The following CYB561A3 variants were observed in gnomAD, a reference collection of about 807,000 sequenced individuals.
CYB561A3 encodes cytochrome b561 family member A3.
In CYB561A3, 16 loss-of-function variants were observed where a neutral mutation model predicts 25.3. The observed-to-expected ratio is 0.63, with a 90% CI of 0.43 to 0.96. The LOEUF (loss-of-function observed/expected upper bound fraction) is 0.96. Among genes scored for constraint, CYB561A3 ranks in the 40% least tolerant of loss-of-function variants. The pLI is 0.00. For synonymous variants in CYB561A3, 131 were observed against 129.9 expected (o/e 1.01, Z -0.06); for missense variants, 219 against 307.5 (o/e 0.71, Z 2.15).
intron 5 of CYB561A3, 88 bp from the exon 6 acceptor site, chr11:61,351,235 G>A (rs890277730): frequency 2.0e-5 from 28 of 1,367,658 alleles, no homozygotes; most frequent in Non-Finnish European, 2.6e-5. Context: ...AACAGAGGGT[G>A]AGAAAACCTT....
chr11:61,358,702 C>T (rs1397851583), intron 1 of CYB561A3: 1 of 152,230 alleles, frequency 6.6e-6, no homozygotes, highest in Non-Finnish European at 1.5e-5. Context: ...GCACTCCAGC[C>T]TGGCGACTGA....
chr11:61,350,802 G>C, intron 6 of CYB561A3, 189 bp downstream of exon 6: 1 of 770,794 alleles, frequency 1.3e-6, no homozygotes, highest in Non-Finnish European at 2.0e-6. Flanking sequence ...GGGAGTCCCA[G>C]CATTTCACTG....
intron 1 of CYB561A3, chr11:61,359,656 T>C (rs886561659): frequency 1.3e-5 from 2 of 152,256 alleles, no homozygotes; most frequent in Non-Finnish European, 2.9e-5. Flanking sequence ...TGCAAAGTTA[T>C]ATTGCCCTGC....
In CYB561A3 at chr11:61,349,775, C is replaced by CCAT; in HGVS notation, c.*621_*623dup. On this transcript the variant is annotated 3_prime_UTR_variant, in exon 7 of 7. Coordinates refer to ENST00000294072, the MANE Select transcript of CYB561A3 (RefSeq NM_153611.6). Reference sequence around the variant, plus strand: ...GCCACTCCCCCTTTCTGCAATCACCCCATGATGTCTCCACCCCACCTCACA... The same window carrying CCAT: ...GCCACTCCCCCTTTCTGCAATCACCCCATCATGATGTCTCCACCCCACCTCACA... The CCAT allele has an allele frequency of 1.6e-6, 1 of 642,856 alleles. No homozygotes were observed. Among genetic ancestry groups the CCAT allele is most frequent in the Non-Finnish European group, 2.9e-6 (1 of 350,432 alleles). The allele number at this position is 642,856 out of a possible 1,614,324, so 39.8% of individuals were successfully genotyped here.
intron 4 of CYB561A3, chr11:61,353,453 C>T (rs1190081650): frequency 1.9e-5 from 12 of 647,764 alleles, no homozygotes; most frequent in Non-Finnish European, 2.8e-5. Flanking sequence ...ATATGGAAAC[C>T]ACTTCAAGAA....
chr11:61,357,830 T>G lies in CYB561A3; in HGVS notation c.-111-2A>C, dbSNP rs188494466. 8.8e-4 allele frequency: 135 copies of G among 152,860 alleles called. No individual in the cohort carries two copies. The highest frequency in any genetic ancestry group is 3.4e-3 in the Middle Eastern group (1 of 294). 9.5% of individuals were successfully genotyped at this position (152,860 alleles called of 1,614,324 possible). A position where few individuals can be genotyped will look rare whatever the true frequency, so the allele number is the denominator to read the frequency against. The stretch of plus-strand genomic sequence containing the variant: ...TCACTTAACATTTGCAGGACTCACC[T>G]GCAAGAAAGGCGTGGCAGTAAGAAT... On this transcript the variant is annotated splice_acceptor_variant, in intron 1 of 6. Coordinates refer to ENST00000294072, the MANE Select transcript of CYB561A3 (RefSeq NM_153611.6). LOFTEE classifies it low-confidence loss of function (5UTR_SPLICE).
At chr11:61,352,718 T>A in intron 5 of CYB561A3, 2 of 1,000,544 alleles carry the variant, frequency 2.0e-6, no homozygotes, top group Non-Finnish European at 2.7e-6. Context: ...ACCAATGATG[T>A]AGGGTGGTTG....
At chr11:61,352,457 C>T (rs903398211) in intron 5 of CYB561A3, 5 of 160,872 alleles carry the variant, frequency 3.1e-5, no homozygotes, top group East Asian at 1.9e-4. Flanking sequence ...GTCAGGAGTC[C>T]GAGACCAGCC....
At chr11:61,354,149 G>A in intron 3 of CYB561A3, 157 bp from the exon 4 acceptor site, 3 of 726,196 alleles carry the variant, frequency 4.1e-6, no homozygotes, top group Non-Finnish European at 6.7e-6. Context: ...ACCCTCCCAT[G>A]ATTTGTGGGA....
chr11:61,358,178 G>A (rs1565071697), intron 1 of CYB561A3: 1 of 152,318 alleles, frequency 6.6e-6, no homozygotes, highest in Non-Finnish European at 1.5e-5. Flanking sequence ...CACTTTGGGA[G>A]GCTGAGGCAG....
In CYB561A3 at chr11:61,349,502, G is replaced by A; in HGVS notation, c.*897C>T. Reference sequence around the variant, plus strand: ...GTAGAGGAAGTCCACAGCCACCTCTGTTACTCATCGCTACTGGGACATCTG... The same window carrying A: ...GTAGAGGAAGTCCACAGCCACCTCTATTACTCATCGCTACTGGGACATCTG... On this transcript the variant is annotated 3_prime_UTR_variant, in exon 7 of 7. Transcript: ENST00000294072. 1.4e-6 allele frequency: 1 copy of A among 701,768 alleles called. No homozygotes were observed. Among genetic ancestry groups the A allele is most frequent in the Non-Finnish European group, 2.6e-6 (1 of 384,102 alleles). 43.5% of individuals were successfully genotyped at this position (701,768 alleles called of 1,614,324 possible).
At chr11:61,358,495 G>GC (rs1857726606) in intron 1 of CYB561A3, 1 of 151,422 alleles carries the variant, frequency 6.6e-6, no homozygotes, top group South Asian at 2.1e-4. Context: ...GCCGAGGCGG[G>GC]CAGATCATAA....
chr11:61,351,200 G>A, intron 5 of CYB561A3, 53 bp from the exon 6 acceptor site: 1 of 1,537,806 alleles, frequency 6.5e-7, no homozygotes, highest in Non-Finnish European at 8.8e-7. Flanking sequence ...ACCTATTTTT[G>A]TCTAGTGGGA....
chr11:61,356,488 G>C (rs912827998), intron 3 of CYB561A3, 42 bp downstream of exon 3: 1 of 1,573,132 alleles, frequency 6.4e-7, no homozygotes, highest in Non-Finnish European at 8.6e-7. Context: ...GCTTTGTCCA[G>C]CCTGAGCCCT....
intron 6 of CYB561A3, chr11:61,350,765 A>G (rs1327202370): frequency 3.2e-6 from 2 of 628,058 alleles, no homozygotes; most frequent in Admixed American, 3.2e-5. Context: ...TTTGGGGGGG[A>G]AATTCTGTCT....
intron 1 of CYB561A3, chr11:61,359,080 T>G (rs1857747367): frequency 6.6e-6 from 1 of 152,044 alleles, no homozygotes; most frequent in Non-Finnish European, 1.5e-5. Context: ...AAAAATGTGC[T>G]GGGTGTGGTG....
At chr11:61,351,202 C>G in intron 5 of CYB561A3, 55 bp from the exon 6 acceptor site, 1 of 1,534,732 alleles carries the variant, frequency 6.5e-7, no homozygotes, top group Middle Eastern at 1.8e-4. Flanking sequence ...CTATTTTTGT[C>G]TAGTGGGAGA....
In CYB561A3 at chr11:61,350,243, C is replaced by T. The variant is rs988635232; in HGVS notation, c.*156G>A. 1.2e-5 allele frequency: 12 copies of T among 967,394 alleles called. No homozygotes were observed. Among genetic ancestry groups the T allele is most frequent in the East Asian group, 2.6e-5 (1 of 37,768 alleles). 59.9% of individuals were successfully genotyped at this position (967,394 alleles called of 1,614,324 possible). A position where few individuals can be genotyped will look rare whatever the true frequency, so the allele number is the denominator to read the frequency against. On this transcript the variant is annotated 3_prime_UTR_variant, in exon 7 of 7. Coordinates refer to ENST00000294072, the MANE Select transcript of CYB561A3 (RefSeq NM_153611.6). ...GGAAAGCAGACAGGCAGCAAGCGGC[C>T]GGAGAGGGCAGGCCAGCACCCAGGC...
intron 1 of CYB561A3, among the ~76,000 whole-genome samples, 189 bp downstream of exon 1, chr11:61,361,544 C>T (rs577259921): frequency 1.3e-5 from 2 of 152,186 alleles, no homozygotes; most frequent in Admixed American, 1.3e-4. Flanking sequence ...GTGCTTTCTG[C>T]GTCCTCTGAA....
Sources: gnomAD v4.1 joint callset for allele counts (sites outside exome capture counted in the v4.1 genomes callset) on GRCh38, gnomAD v4.1.1 for gene constraint, MANE v1.5 for transcripts, NCBI Gene and HGNC (gene_info 2026-07-23, HGNC 2026-07-21) for gene names.